The following PIWIL4 variants were observed in gnomAD, a reference collection of about 807,000 sequenced individuals.
PIWIL4 encodes the protein piwi like RNA-mediated gene silencing 4.
PIWIL4 carries 50 observed loss-of-function variants against 100.9 expected under a neutral mutation model. That is an observed-to-expected ratio of 0.50 (90% CI 0.39 to 0.63). PIWIL4 has a LOEUF of 0.63. PIWIL4 is among the 20% of genes least tolerant of loss of function. PIWIL4 has a pLI of 0.00. For missense variants in PIWIL4, 887 were observed against 1,043.3 expected (o/e 0.85, Z 2.06); for synonymous variants, 342 against 367.5 (o/e 0.93, Z 0.79).
rs1172345210 is a variant in PIWIL4, at chr11:94,607,495, T to G, written c.1695T>G (p.Tyr565Ter). 1.2e-6 allele frequency: 2 copies of G among 1,613,954 alleles called. No homozygotes were observed. Among genetic ancestry groups the G allele is most frequent in the Non-Finnish European group, 1.7e-6 (2 of 1,179,988 alleles). Reference sequence around the variant, plus strand: ...CCTATTATGATTCCATTAAAAAATATTTGAGCTCAGACTGCCCAGTCCCAA... The same window carrying G: ...CCTATTATGATTCCATTAAAAAATAGTTGAGCTCAGACTGCCCAGTCCCAA... The part of the protein sequence containing the change: ...QKTYYDSIKK[Y>*]LSSDCPVPSQ... Residue 565 changes from tyrosine to a stop codon, truncating the protein, a stop_gained, in exon 14 of 20, where the codon TAT (tyrosine) becomes TAG (stop). Transcript: ENST00000299001. LOFTEE classifies it high-confidence loss of function.
chr11:94,609,122 A>G (rs1312637397), intron 15 of PIWIL4, among the ~76,000 whole-genome samples: 1 of 152,216 alleles, frequency 6.6e-6, no homozygotes, highest in Non-Finnish European at 1.5e-5. Context: ...GCTGTGCCTC[A>G]CTATGGTAAT....
At chr11:94,577,745 C>T (rs1456170872) in intron 4 of PIWIL4, among the ~76,000 whole-genome samples, 2 of 152,166 alleles carry the variant, frequency 1.3e-5, no homozygotes, top group African/African-American at 2.4e-5. Context: ...AATTTAACCA[C>T]ATCAGTGCAG....
At chr11:94,620,813 G>T in intron 19 of PIWIL4, 63 bp from the exon 20 acceptor site, 1 of 1,314,042 alleles carries the variant, frequency 7.6e-7, no homozygotes, top group Non-Finnish European at 1.1e-6. Flanking sequence ...AGTAAAATCA[G>T]AAAAAATCTC....
chr11:94,615,564 T>C (rs1948836334), intron 15 of PIWIL4, among the ~76,000 whole-genome samples: 3 of 152,168 alleles, frequency 2.0e-5, no homozygotes, highest in Admixed American at 6.5e-5. Flanking sequence ...ACTCAGGACT[T>C]CTAGTTTGTT....
chr11:94,567,468 T>C lies in PIWIL4; in HGVS notation c.-51T>C. 1.4e-6 allele frequency: 2 copies of C among 1,452,582 alleles called. No homozygotes were observed. Among genetic ancestry groups the C allele is most frequent in the Non-Finnish European group, 1.8e-6 (2 of 1,086,150 alleles). The allele number at this position is 1,452,582 out of a possible 1,614,324, so 90.0% of individuals were successfully genotyped here. A position where few individuals can be genotyped will look rare whatever the true frequency, so the allele number is the denominator to read the frequency against. On this transcript the variant is annotated 5_prime_UTR_variant, in exon 1 of 20. Transcript: ENST00000299001. The stretch of plus-strand genomic sequence containing the variant: ...CCATCTGTAGCCAAAGCAAAACATA[T>C]CCTAACTGAGACTTTGCAGCTCTTG...
intron 16 of PIWIL4, 59 bp from the exon 17 acceptor site, chr11:94,617,895 G>A: frequency 6.4e-7 from 1 of 1,560,756 alleles, no homozygotes. Flanking sequence ...ATATGGGAAT[G>A]TTATTTTTTG....
Position 94,579,768 on chromosome 11 carries a change from A to G in PIWIL4, c.513+2276A>G, listed in dbSNP as rs140904575. ...AAATTAAGAAACATTTTTATTCACC[A>G]TAATTTTTTATTGATCCTTCAATTC... On this transcript the variant is annotated intron_variant, in intron 4 of 19. Transcript: ENST00000299001. 3.1e-4 allele frequency among the ~76,000 whole-genome samples: 47 copies of G among 152,352 alleles called. No homozygotes were observed. The East Asian group carries it at 7.3e-3, about 24-fold the overall frequency.
At chr11:94,588,150 C>T (rs1403166245) in intron 7 of PIWIL4, among the ~76,000 whole-genome samples, 1 of 151,930 alleles carries the variant, frequency 6.6e-6, no homozygotes, top group Non-Finnish European at 1.5e-5. Context: ...TGTGTTTTTC[C>T]CCTCCTCGTG....
Position 94,620,886 on chromosome 11 carries a change from G to T in PIWIL4, c.2453G>T (p.Ser818Ile). The T allele has an allele frequency of 6.2e-7, 1 of 1,613,028 alleles. No individual in the cohort carries two copies. Among genetic ancestry groups the T allele is most frequent in the South Asian group, 1.1e-5 (1 of 90,992 alleles). The part of the protein sequence containing the change: ...HLYYNWPGIV[S>I]VPAPCQYAHK... ...CTTTTTTCTCCTCAGGGCATAGTCA[G>T]TGTCCCAGCACCATGTCAGTATGCT... The change falls in exon 20 of 20, where the codon AGT becomes ATT. Residue 818 changes from serine (S) to isoleucine (I), a missense_variant. Coordinates refer to ENST00000299001, the MANE Select transcript of PIWIL4 (RefSeq NM_152431.3).
chr11:94,606,185 A>G (rs892827043), intron 13 of PIWIL4, among the ~76,000 whole-genome samples: 1 of 152,152 alleles, frequency 6.6e-6, no homozygotes, highest in Non-Finnish European at 1.5e-5. Context: ...CTGGTGTGGA[A>G]CCAGTCTCAC....
At chr11:94,612,430 G>C (rs1257101769) in intron 15 of PIWIL4, among the ~76,000 whole-genome samples, 8 of 150,948 alleles carry the variant, frequency 5.3e-5, no homozygotes, top group Admixed American at 5.3e-4. Flanking sequence ...CAATCTATGT[G>C]TGTCCTTACA....
At chr11:94,569,611 C>T (rs2135230681) in intron 2 of PIWIL4, among the ~76,000 whole-genome samples, 1 of 152,330 alleles carries the variant, frequency 6.6e-6, no homozygotes, top group African/African-American at 2.4e-5. Flanking sequence ...CTCCTGACCT[C>T]AGGTGATCTG....
chr11:94,586,335 A>G (rs1415076028), intron 6 of PIWIL4, among the ~76,000 whole-genome samples: 1 of 152,096 alleles, frequency 6.6e-6, no homozygotes, highest in Non-Finnish European at 1.5e-5. Context: ...CACAGTGTCT[A>G]CTTAATAGTC....
At chr11:94,597,328 T>C (rs1256972692) in intron 10 of PIWIL4, among the ~76,000 whole-genome samples, 1 of 152,206 alleles carries the variant, frequency 6.6e-6, no homozygotes, top group African/African-American at 2.4e-5. Flanking sequence ...AATATCTCCT[T>C]ATTAACGAGT....
chr11:94,583,221 T>C (rs1948350457), intron 4 of PIWIL4, among the ~76,000 whole-genome samples: 1 of 152,186 alleles, frequency 6.6e-6, no homozygotes, highest in South Asian at 2.1e-4. Flanking sequence ...GCTTTAATTC[T>C]CCCTTAAGAA....
intron 12 of PIWIL4, among the ~76,000 whole-genome samples, chr11:94,602,367 T>C (rs1404144463): frequency 6.6e-6 from 1 of 152,242 alleles, no homozygotes; most frequent in Non-Finnish European, 1.5e-5. Flanking sequence ...TTGCATGTCC[T>C]GACTTTTACT....
rs570048936 is a variant in PIWIL4, at chr11:94,603,972, C to A, written c.1566-12C>A. ...GAAGTTACATAGCTTCAAAATTAATCTTTTTATGTAGCATAAAAGTACAAG... is the reference window on the plus strand; with the variant it reads ...GAAGTTACATAGCTTCAAAATTAATATTTTTATGTAGCATAAAAGTACAAG... On this transcript the variant is annotated splice_polypyrimidine_tract_variant and intron_variant, in intron 12 of 19. Transcript: ENST00000299001. 32 of 1,562,302 alleles carry A rather than the reference C, an allele frequency of 2.0e-5. 1 individual carries two copies. The South Asian group carries it at 3.2e-4, about 15-fold the overall frequency.
At position 94,593,508 on chromosome 11, in the gene PIWIL4, C is replaced by G. The variant is rs772302203; in HGVS notation, c.1027-10C>G. On this transcript the variant is annotated splice_polypyrimidine_tract_variant and intron_variant, in intron 8 of 19. Transcript: ENST00000299001. ...GTTAACTTTTTACTTATTAATCTTG[C>G]ATTTTATAGCAGTATGATATTACTG... 4 of 1,610,068 alleles carry G rather than the reference C, an allele frequency of 2.5e-6. No homozygotes were observed. Among genetic ancestry groups the G allele is most frequent in the Non-Finnish European group, 3.4e-6 (4 of 1,178,084 alleles).
intron 16 of PIWIL4, 26 bp downstream of exon 16, chr11:94,616,589 G>A: frequency 1.3e-6 from 2 of 1,558,544 alleles, no homozygotes; most frequent in Non-Finnish European, 1.8e-6. Flanking sequence ...CAATGTGGGT[G>A]GGCTCCAAGG....
Sources: allele counts gnomAD v4.1 joint callset (sites outside exome capture counted in the v4.1 genomes callset), GRCh38; gene constraint gnomAD v4.1.1; transcripts MANE v1.5; gene names NCBI Gene and HGNC (gene_info 2026-07-23, HGNC 2026-07-21).